UBE2E2: variants seen among roughly 807,000 people sequenced by gnomAD.
The protein encoded by UBE2E2 is ubiquitin conjugating enzyme E2 E2.
In UBE2E2, 6 loss-of-function variants were observed where a neutral mutation model predicts 24.7. The ratio of observed to expected loss-of-function variants is 0.24; its 90% CI spans 0.13 to 0.48. The LOEUF is 0.48. Ranked by LOEUF, UBE2E2 falls within the 20% of genes least tolerant of loss-of-function variation. The probability of loss-of-function intolerance (pLI) is 0.99; values close to 1 mark genes in which losing one functional copy is unlikely to be tolerated. For missense variants in UBE2E2, 169 were observed against 245.0 expected, an observed-to-expected ratio of 0.69 and a Z score of 2.07; for synonymous variants, 104 against 83.6, an observed-to-expected ratio of 1.24 and a Z score of -1.33.
Position 23,474,931 on chromosome 3 carries a change from C to T in UBE2E2, c.228-24677C>T, listed in dbSNP as rs1263826565. Among the ~76,000 whole-genome samples, 1 of 152,034 alleles carries T rather than the reference C, an allele frequency of 6.6e-6. No individual in the cohort carries two copies. Among genetic ancestry groups the T allele is most frequent in the Non-Finnish European group, 1.5e-5 (1 of 68,018 alleles). On this transcript the variant is annotated intron_variant, in intron 3 of 5. Coordinates refer to ENST00000396703, the MANE Select transcript of UBE2E2 (RefSeq NM_152653.4). This position sits in a 1 kb window ranked among gnomAD's most constrained non-coding sequence, Gnocchi z 4.0. ...TCCTTTAATTTTTTTATTTCTTAAC[C>T]CACAACCGATGACAAGCATTTCACT... is the stretch of plus-strand genomic sequence containing the variant.
chr3:23,239,364 G>A (rs1697198810), intron 3 of UBE2E2, among the ~76,000 whole-genome samples: 2 of 152,128 alleles, frequency 1.3e-5, no homozygotes, highest in African/African-American at 4.8e-5. Context: ...TTGTGCAACT[G>A]TCACTGTCAT....
intron 3 of UBE2E2, among the ~76,000 whole-genome samples, chr3:23,427,357 G>A (rs1697950907): frequency 6.6e-6 from 1 of 151,990 alleles, no homozygotes; most frequent in Admixed American, 6.6e-5. Context: ...TTGCACCTGG[G>A]AGGCATAGGT....
At chr3:23,204,588 A>G (rs974977770) in intron 1 of UBE2E2, 31 of 691,346 alleles carry the variant, frequency 4.5e-5, no homozygotes, top group Non-Finnish European at 5.2e-5. Flanking sequence ...TACTACGGCA[A>G]TTTGGATGCT....
intron 3 of UBE2E2, among the ~76,000 whole-genome samples, chr3:23,399,576 A>G (rs896821803): frequency 2.0e-5 from 3 of 152,320 alleles, no homozygotes; most frequent in Admixed American, 6.5e-5. Flanking sequence ...CTAAATTAGT[A>G]TATGAACTGT....
At chr3:23,334,403 A>T (rs961521537) in intron 3 of UBE2E2, among the ~76,000 whole-genome samples, 1 of 152,094 alleles carries the variant, frequency 6.6e-6, no homozygotes, top group Admixed American at 6.6e-5. Flanking sequence ...GATGGGGCAC[A>T]GCCGTTGGTG....
intron 3 of UBE2E2, among the ~76,000 whole-genome samples, chr3:23,485,926 C>CGG (rs1289721172): frequency 8.5e-5 from 13 of 152,278 alleles, no homozygotes; most frequent in Admixed American, 5.2e-4. Context: ...GAGGTGAGCC[C>CGG]TACTAGTTTC....
chr3:23,534,535 C>T (rs183680078), intron 5 of UBE2E2, among the ~76,000 whole-genome samples: 80 of 152,274 alleles, frequency 5.3e-4, no homozygotes, highest in Admixed American at 1.4e-3. Flanking sequence ...TTGTAAAATA[C>T]ATGCTAACAT....
At chr3:23,383,562 GATTAA>G (rs1285154288) in intron 3 of UBE2E2, among the ~76,000 whole-genome samples, 26 of 151,938 alleles carry the variant, frequency 1.7e-4, no homozygotes, top group Non-Finnish European at 7.4e-5. Flanking sequence ...GCATATTATG[GATTAA>G]ATTGGCATCT....
chr3:23,375,871 T>G (rs1696509188), intron 3 of UBE2E2, among the ~76,000 whole-genome samples: 1 of 152,198 alleles, frequency 6.6e-6, no homozygotes, highest in Admixed American at 6.6e-5. Flanking sequence ...TGTAGATTAA[T>G]TCTAAAGTTA....
chr3:23,500,833 G>T (rs1434784264), intron 4 of UBE2E2, among the ~76,000 whole-genome samples: 1 of 152,114 alleles, frequency 6.6e-6, no homozygotes, highest in African/African-American at 2.4e-5. Flanking sequence ...TAAGTAACTT[G>T]TCCAGCATTA....
chr3:23,235,397 T>C (rs1414628461), intron 3 of UBE2E2, among the ~76,000 whole-genome samples: 1 of 152,100 alleles, frequency 6.6e-6, no homozygotes, highest in African/African-American at 2.4e-5. Context: ...CAGATAGCTC[T>C]GATGTTCAGG....
intron 3 of UBE2E2, among the ~76,000 whole-genome samples, chr3:23,349,747 G>T (rs1221195885): frequency 1.3e-5 from 2 of 152,230 alleles, no homozygotes; most frequent in African/African-American, 2.4e-5. Flanking sequence ...AAACTGGGTG[G>T]AGCCCACCAC....
chr3:23,588,185 C>T (rs1408233786), intron 5 of UBE2E2, among the ~76,000 whole-genome samples: 1 of 152,080 alleles, frequency 6.6e-6, no homozygotes, highest in Non-Finnish European at 1.5e-5. Context: ...CTATTTTTTT[C>T]CTACCAAACA....
At chr3:23,224,156 G>GTTTTTATTT (rs1696745718) in intron 3 of UBE2E2, among the ~76,000 whole-genome samples, 1 of 93,718 alleles carries the variant, frequency 1.1e-5, no homozygotes, top group Non-Finnish European at 2.0e-5. Flanking sequence ...TAAATTTTAG[G>GTTTTTATTT]TTTTTTTTTT....
intron 3 of UBE2E2, among the ~76,000 whole-genome samples, chr3:23,313,090 A>G (rs927090533): frequency 2.6e-5 from 4 of 152,138 alleles, no homozygotes; most frequent in African/African-American, 4.8e-5. Flanking sequence ...GAAATGTTCT[A>G]TAAATATCTA....
At chr3:23,492,867 A>G (rs938357373) in intron 3 of UBE2E2, among the ~76,000 whole-genome samples, 1 of 152,314 alleles carries the variant, frequency 6.6e-6, no homozygotes, top group Admixed American at 6.5e-5. Flanking sequence ...TAGTAGCCAC[A>G]TTAAAAAGAA....
At chr3:23,454,928 G>T (rs1263109219) in intron 3 of UBE2E2, among the ~76,000 whole-genome samples, 1 of 152,178 alleles carries the variant, frequency 6.6e-6, no homozygotes, top group East Asian at 1.9e-4. Context: ...GCAGTATTTT[G>T]TTTCTTTATG....
intron 3 of UBE2E2, among the ~76,000 whole-genome samples, chr3:23,453,100 A>C (rs1698601835): frequency 2.0e-5 from 3 of 152,206 alleles, no homozygotes; most frequent in Admixed American, 2.0e-4. Context: ...GTGGGGAAAT[A>C]ATAAGTATTC....
chr3:23,457,721 G>T (rs1449948335), intron 3 of UBE2E2, among the ~76,000 whole-genome samples: 1 of 152,174 alleles, frequency 6.6e-6, no homozygotes, highest in African/African-American at 2.4e-5. Context: ...TCCCTGTGTT[G>T]CCCAGGCTGG....
Sources: gnomAD v4.1 joint callset for allele counts (sites outside exome capture counted in the v4.1 genomes callset) on GRCh38, gnomAD v4.1.1 for gene constraint, Gnocchi (gnomAD v3.1) non-coding constraint, MANE v1.5 for transcripts, NCBI Gene and HGNC (gene_info 2026-07-23, HGNC 2026-07-21) for gene names.